The following HS6ST2 variants were observed in gnomAD, a reference collection of about 807,000 sequenced individuals.
HS6ST2 encodes the protein heparan sulfate 6-O-sulfotransferase 2.
Under a neutral mutation model 33.0 loss-of-function variants are expected in HS6ST2, and 17 were observed. That is an observed-to-expected ratio of 0.52 (90% confidence interval 0.35 to 0.77). The LOEUF (loss-of-function observed/expected upper bound fraction) is 0.77. Among genes scored for constraint, HS6ST2 ranks in the 30% least tolerant of loss-of-function variants. The pLI is 0.01. For synonymous variants in HS6ST2, 248 were observed against 237.1 expected (o/e 1.05, Z -0.42); for missense variants, 519 against 551.7 (o/e 0.94, Z 0.59).
Position 132,793,948 on chromosome X carries a change from C to T in HS6ST2, c.948-85454G>A, listed in dbSNP as rs148602610. 6.4e-4 allele frequency among the ~76,000 whole-genome samples: 72 copies of T among 112,443 alleles called. No homozygotes were observed. In the East Asian group the frequency reaches 0.016, roughly 25 times the overall value. Reference sequence around the variant, plus strand: ...CCGGATTCTAGTAAAATAGATATTCCGTGCCACGTTTCACCACTCTGCCAT... The same window carrying T: ...CCGGATTCTAGTAAAATAGATATTCTGTGCCACGTTTCACCACTCTGCCAT... On this transcript the variant is annotated intron_variant, in intron 2 of 4. Transcript: ENST00000370833.
At chrX:132,657,068 C>T (rs1049293356) in intron 4 of HS6ST2, among the ~76,000 whole-genome samples, 1 of 111,583 alleles carries the variant, frequency 9.0e-6, no homozygotes, top group African/African-American at 3.3e-5. Context: ...GGCAGAGATT[C>T]CCCACCAGGA....
In HS6ST2 at chrX:132,628,385, A is replaced by G. The variant is rs1373550154; in HGVS notation, c.1776T>C (p.Asn592=). Residue 592 remains asparagine, a synonymous_variant, in exon 5 of 5, where the codon AAT becomes AAC. Transcript: ENST00000370833. The stretch of plus-strand genomic sequence containing the variant: ...GATTCTGAGTCAGGTTCTGATTGGC[A>G]TTCGGATTTGGGTTCTGACTCTGAT... ...NQNQSQNPNP[N]ANQNLTQNLM... is the part of the protein sequence containing the mutation. 3 of 1,185,572 alleles carry G rather than the reference A, an allele frequency of 2.5e-6. No individual in the cohort carries two copies. Among genetic ancestry groups the G allele is most frequent in the Non-Finnish European group, 3.4e-6 (3 of 879,691 alleles).
chrX:132,727,549 A>G (rs1034620905), intron 2 of HS6ST2, among the ~76,000 whole-genome samples: 68 of 111,491 alleles, frequency 6.1e-4, no homozygotes, highest in African/African-American at 2.0e-3. Context: ...TCCTTATTCC[A>G]CACACATTCA....
chrX:132,881,540 G>C (rs979691150), intron 2 of HS6ST2, among the ~76,000 whole-genome samples: 3 of 111,508 alleles, frequency 2.7e-5, no homozygotes, highest in African/African-American at 6.5e-5. Context: ...TGTCAGATGG[G>C]TAGATTGCAA....
At chrX:132,642,930 C>T (rs1175265557) in intron 4 of HS6ST2, among the ~76,000 whole-genome samples, 2 of 112,376 alleles carry the variant, frequency 1.8e-5, no homozygotes, top group African/African-American at 6.5e-5. Context: ...AAAAAGGAGA[C>T]CTTCCCTGAA....
chrX:132,730,413 C>T (rs1472713043), intron 2 of HS6ST2, among the ~76,000 whole-genome samples: 1 of 112,314 alleles, frequency 8.9e-6, no homozygotes, highest in Admixed American at 9.4e-5. Context: ...CCCTCCTCTA[C>T]CATATCCATG....
intron 2 of HS6ST2, among the ~76,000 whole-genome samples, chrX:132,805,993 T>C (rs2065278389): frequency 9.1e-6 from 1 of 110,137 alleles, no homozygotes; most frequent in African/African-American, 3.3e-5. Context: ...CTTGATATTC[T>C]AAGATTTTAT....
intron 4 of HS6ST2, among the ~76,000 whole-genome samples, chrX:132,654,850 G>A (rs999568628): frequency 2.7e-5 from 3 of 111,840 alleles, no homozygotes; most frequent in African/African-American, 9.7e-5. Context: ...CTTCCTCAAG[G>A]AGCCACAGCC....
At chrX:132,876,642 C>G (rs1388298370) in intron 2 of HS6ST2, among the ~76,000 whole-genome samples, 1 of 110,359 alleles carries the variant, frequency 9.1e-6, no homozygotes, top group Non-Finnish European at 1.9e-5. Flanking sequence ...TGAAGGAACA[C>G]CCACTCCTTT....
intron 4 of HS6ST2, chrX:132,668,233 G>C (rs1304179320): frequency 9.0e-6 from 1 of 111,554 alleles, no homozygotes; most frequent in Non-Finnish European, 1.9e-5. Flanking sequence ...TGCTAGATTA[G>C]AGCTTTTAGC....
intron 2 of HS6ST2, among the ~76,000 whole-genome samples, chrX:132,839,627 A>G: frequency 9.1e-6 from 1 of 110,190 alleles, no homozygotes; most frequent in Non-Finnish European, 1.9e-5. Context: ...ATTACACTAA[A>G]AGCCTAAACT....
chrX:132,778,402 T>G (rs1465105075), intron 2 of HS6ST2, among the ~76,000 whole-genome samples: 1 of 111,080 alleles, frequency 9.0e-6, no homozygotes, highest in Non-Finnish European at 1.9e-5. Flanking sequence ...GTTTTGTTTT[T>G]TTGTTTTTTG....
chrX:132,755,352 A>G (rs1467710722), intron 2 of HS6ST2, among the ~76,000 whole-genome samples: 1 of 111,961 alleles, frequency 8.9e-6, no homozygotes, highest in East Asian at 2.8e-4. Flanking sequence ...TTCTGGCAAT[A>G]CAAGATGTTC....
At chrX:132,760,745 TGCC>T (rs1477843156) in intron 2 of HS6ST2, among the ~76,000 whole-genome samples, 1 of 111,072 alleles carries the variant, frequency 9.0e-6, no homozygotes, top group Non-Finnish European at 1.9e-5. Flanking sequence ...GGCGAGTAAA[TGCC>T]CACCTTTCCA....
intron 2 of HS6ST2, among the ~76,000 whole-genome samples, chrX:132,711,333 C>T (rs2064229478): frequency 1.8e-5 from 2 of 110,877 alleles, no homozygotes; most frequent in Admixed American, 9.6e-5. Context: ...GAAAGTGAAA[C>T]GATTCACTTT....
chrX:132,768,325 G>C, intron 2 of HS6ST2, among the ~76,000 whole-genome samples: 1 of 77,326 alleles, frequency 1.3e-5, no homozygotes, highest in East Asian at 4.1e-4. Context: ...GACAGAGTGA[G>C]ACTCTGTCTC....
intron 2 of HS6ST2, among the ~76,000 whole-genome samples, chrX:132,931,102 A>C (rs909053280): frequency 1.8e-5 from 2 of 111,769 alleles, no homozygotes; most frequent in African/African-American, 6.5e-5. Flanking sequence ...CATATAGCAA[A>C]TAAGGAAAGA....
chrX:132,697,553 T>C (rs780629956), intron 3 of HS6ST2, among the ~76,000 whole-genome samples: 41 of 111,753 alleles, frequency 3.7e-4, no homozygotes, highest in African/African-American at 1.2e-3. Context: ...TGAAAGTGTA[T>C]GCATGTGAAT....
intron 2 of HS6ST2, among the ~76,000 whole-genome samples, chrX:132,879,095 G>A (rs929626698): frequency 9.8e-5 from 11 of 111,983 alleles, no homozygotes; most frequent in Middle Eastern, 4.6e-3. Flanking sequence ...TAAGGAATTA[G>A]GATCTATGTT....
Sources: gnomAD v4.1 joint callset for allele counts (sites outside exome capture counted in the v4.1 genomes callset) on GRCh38, gnomAD v4.1.1 for gene constraint, MANE v1.5 for transcripts, NCBI Gene and HGNC (gene_info 2026-07-23, HGNC 2026-07-21) for gene names.